SLC41A1: variants seen among roughly 807,000 people sequenced by gnomAD.
SLC41A1 encodes the protein solute carrier family 41 member 1.
In SLC41A1, 20 loss-of-function variants were observed where a neutral mutation model predicts 47.3. That is an observed-to-expected ratio of 0.42 (90% CI 0.30 to 0.61). The LOEUF (loss-of-function observed/expected upper bound fraction) is 0.61, where lower values mean the gene tolerates loss of function less well. Among genes scored for constraint, SLC41A1 ranks in the 20% least tolerant of loss-of-function variants. The pLI is 0.17. For synonymous variants in SLC41A1, 282 were observed against 272.7 expected (o/e 1.03, Z -0.34); for missense variants, 504 against 674.1 (o/e 0.75, Z 2.79).
In SLC41A1 at chr1:205,791,015, G is replaced by A. The variant is rs1248266033; in HGVS notation, c.*518C>T. 1.0e-5 allele frequency: 2 copies of A among 197,452 alleles called. No homozygotes were observed. The highest frequency in any genetic ancestry group is 2.1e-5 in the Non-Finnish European group (2 of 95,628). 12.2% of individuals were successfully genotyped at this position (197,452 alleles called of 1,614,324 possible). On this transcript the variant is annotated 3_prime_UTR_variant, in exon 11 of 11. Coordinates refer to ENST00000367137, the MANE Select transcript of SLC41A1 (RefSeq NM_173854.6). The surrounding 1 kb of genome is among the most constrained non-coding windows in gnomAD (Gnocchi z 4.0). ...GGGATCACAGGGGCCTGGAGCAGGT[G>A]TCTCCTGTCCAGAGCTTTGAAGTTG...
At chr1:205,806,263 T>C (rs1454414956) in intron 2 of SLC41A1, among the ~76,000 whole-genome samples, 1 of 152,092 alleles carries the variant, frequency 6.6e-6, no homozygotes, top group African/African-American at 2.4e-5. Context: ...GATAAGAGTG[T>C]CCCGCCCAGG....
Position 205,798,811 on chromosome 1 carries a change from C to T in SLC41A1, c.702G>A (p.Met234Ile), listed in dbSNP as rs1655805633. 6.2e-7 allele frequency: 1 copy of T among 1,614,134 alleles called. No homozygotes were observed. Reference sequence around the variant, plus strand: ...AGCCAATGATGACTCCAATCATGATCATACCTGGTGAGCAAGTGGGAGGAG... The same window carrying T: ...AGCCAATGATGACTCCAATCATGATTATACCTGGTGAGCAAGTGGGAGGAG... ...TAFIASLVLG[M>I]IMIGVIIGSR... Residue 234 changes from methionine (M) to isoleucine (I), a missense_variant, in exon 6 of 11, where the codon ATG (methionine) becomes ATA (isoleucine). By Grantham distance (10) the Met-to-Ile change is conservative. Transcript: ENST00000367137.
intron 3 of SLC41A1, among the ~76,000 whole-genome samples, chr1:205,800,274 G>T (rs1290478369): frequency 6.6e-6 from 1 of 152,214 alleles, no homozygotes; most frequent in Non-Finnish European, 1.5e-5. Context: ...TGGGCCAGAA[G>T]TCGGGTATGG....
Position 205,797,888 on chromosome 1 carries a change from C to T in SLC41A1, c.992+16G>A. ...TTGGAGTGGGGTAGGAGTGGATACTCAGGGCCCCAGCCTACCTGCTGATGG... is the reference window on the plus strand; with the variant it reads ...TTGGAGTGGGGTAGGAGTGGATACTTAGGGCCCCAGCCTACCTGCTGATGG... On this transcript the variant is annotated intron_variant, in intron 7 of 10. Coordinates refer to ENST00000367137, the MANE Select transcript of SLC41A1 (RefSeq NM_173854.6). 1.2e-6 allele frequency: 2 copies of T among 1,613,870 alleles called. No homozygotes were observed. The highest frequency in any genetic ancestry group is 8.5e-7 in the Non-Finnish European group (1 of 1,180,012).
In SLC41A1 at chr1:205,796,949, C is replaced by A. The variant is rs757958496; in HGVS notation, c.1047G>T (p.Met349Ile). The change falls in exon 8 of 11, where the codon ATG becomes ATT. Residue 349 changes from methionine (M) to isoleucine (I), a missense_variant. Around this residue, in one of 2 missense-constraint regions of SLC41A1, gnomAD observed 421 missense variants for 601.6 expected, o/e 0.70. Coordinates refer to ENST00000367137, the MANE Select transcript of SLC41A1 (RefSeq NM_173854.6). ...KTVSDPNFAG[M>I]AVFTPVINGV... The stretch of plus-strand genomic sequence containing the variant: ...CATTAATCACAGGCGTGAAGACAGC[C>A]ATCCCAGCAAAGTTGGGGTCTGAGA... 1 of 1,613,352 alleles carries A rather than the reference C, an allele frequency of 6.2e-7. No individual in the cohort carries two copies. Among genetic ancestry groups the A allele is most frequent in the African/African-American group, 1.3e-5 (1 of 75,044 alleles).
chr1:205,808,659 G>A lies in SLC41A1; in HGVS notation c.372+1411C>T, dbSNP rs570165491. ...TCCTACTGTCCCAGTCCCGGCCCTA[G>A]GGGGAGGAGCAGCCCCTAGCAGGAG... is the stretch of plus-strand genomic sequence containing the variant. On this transcript the variant is annotated intron_variant, in intron 2 of 10. Coordinates refer to ENST00000367137, the MANE Select transcript of SLC41A1 (RefSeq NM_173854.6). 3.0e-4 allele frequency among the ~76,000 whole-genome samples: 45 copies of A among 152,330 alleles called. 1 individual carries two copies. Among genetic ancestry groups the A allele is most frequent in the Middle Eastern group, 3.4e-3 (1 of 294 alleles).
At position 205,812,884 on chromosome 1, in the gene SLC41A1, C is replaced by T; in HGVS notation, c.-723G>A. The T allele has an allele frequency of 1.0e-6, 1 of 985,530 alleles. No individual in the cohort carries two copies. The highest frequency in any genetic ancestry group is 1.2e-6 in the Non-Finnish European group (1 of 830,046). The allele number at this position is 985,530 out of a possible 1,614,324, so 61.0% of individuals were successfully genotyped here. Reference sequence around the variant, plus strand: ...CGTGGTCTCGGGGGGTGCAGGGCACCCCCTCTTCTCATCACTCCTCCTCGA... The same window carrying T: ...CGTGGTCTCGGGGGGTGCAGGGCACTCCCTCTTCTCATCACTCCTCCTCGA... On this transcript the variant is annotated 5_prime_UTR_variant, in exon 1 of 11. Transcript: ENST00000367137.
At chr1:205,799,544 C>A (rs560902717) in intron 4 of SLC41A1, among the ~76,000 whole-genome samples, 1 of 152,294 alleles carries the variant, frequency 6.6e-6, no homozygotes, top group African/African-American at 2.4e-5. Flanking sequence ...CGTGCACCAC[C>A]AAGAACTGAG....
chr1:205,801,353 G>A (rs1051464215), intron 2 of SLC41A1: 4 of 394,160 alleles, frequency 1.0e-5, no homozygotes, highest in Non-Finnish European at 1.9e-5. Flanking sequence ...GGTGGGGAAG[G>A]GTAATGGGGA....
In SLC41A1 at chr1:205,789,770, T is replaced by C. The variant is rs1655577280; in HGVS notation, c.*1763A>G. 2 of 152,182 alleles carry C rather than the reference T, an allele frequency of 1.3e-5. No homozygotes were observed. 9.4% of individuals were successfully genotyped at this position (152,182 alleles called of 1,614,324 possible). Reference sequence around the variant, plus strand: ...ATGGTCTCTGGAGGTCTAGGGCAGGTTCCTGGGATAAGGTGCAGTGTTGGT... The same window carrying C: ...ATGGTCTCTGGAGGTCTAGGGCAGGCTCCTGGGATAAGGTGCAGTGTTGGT... On this transcript the variant is annotated 3_prime_UTR_variant, in exon 11 of 11. Transcript: ENST00000367137.
In SLC41A1 at chr1:205,795,354, G is replaced by A; in HGVS notation, c.1197C>T (p.Phe399=). ...GGAATCTGCCGTTACCAGGGCTGAA[G>A]AAGGTGGTACAAGGACTGGGACAGC... The part of the protein sequence containing the change: ...PRRCPSPCTT[F]FSPDVNSRSA... The change falls in exon 9 of 11, where the codon TTC becomes TTT. Residue 399 remains phenylalanine (F), a synonymous_variant. Transcript: ENST00000367137. 6.2e-7 allele frequency: 1 copy of A among 1,614,226 alleles called. No individual in the cohort carries two copies. Among genetic ancestry groups the A allele is most frequent in the South Asian group, 1.1e-5 (1 of 91,086 alleles).
Position 205,791,441 on chromosome 1 carries a change from G to A in SLC41A1, c.*92C>T. On this transcript the variant is annotated 3_prime_UTR_variant, in exon 11 of 11. Coordinates refer to ENST00000367137, the MANE Select transcript of SLC41A1 (RefSeq NM_173854.6). This position sits in a 1 kb window ranked among gnomAD's most constrained non-coding sequence, Gnocchi z 4.0. ...TATCAAAGTGAAGTCCTAGAAAGAG[G>A]TGGGAGTGTGGGGTGGAGGAGGGAC... The A allele has an allele frequency of 7.0e-7, 1 of 1,433,928 alleles. No homozygotes were observed. The highest frequency in any genetic ancestry group is 1.8e-5 in the Admixed American group (1 of 55,568). The allele number at this position is 1,433,928 out of a possible 1,614,324, so 88.8% of individuals were successfully genotyped here.
At chr1:205,803,405 G>A (rs1655934948) in intron 2 of SLC41A1, among the ~76,000 whole-genome samples, 1 of 152,170 alleles carries the variant, frequency 6.6e-6, no homozygotes, top group Non-Finnish European at 1.5e-5. Flanking sequence ...TAACCAAGAG[G>A]TGGAAGCAAC....
In SLC41A1 at chr1:205,791,740, G is replaced by A; in HGVS notation, c.1357-22C>T. On this transcript the variant is annotated intron_variant, in intron 10 of 10. Coordinates refer to ENST00000367137, the MANE Select transcript of SLC41A1 (RefSeq NM_173854.6). The surrounding 1 kb of genome is among the most constrained non-coding windows in gnomAD (Gnocchi z 4.0). ...GCACCTGGGGAGACAAAAGGGCCCA[G>A]CCTATAGCCATCCTCTCTCTCCAGG... 1 of 1,611,824 alleles carries A rather than the reference G, an allele frequency of 6.2e-7. No homozygotes were observed. The highest frequency in any genetic ancestry group is 1.7e-5 in the Admixed American group (1 of 59,928).
In SLC41A1 at chr1:205,795,733, T is replaced by C. The variant is rs373310614; in HGVS notation, c.1073-255A>G. On this transcript the variant is annotated intron_variant, in intron 8 of 10. Transcript: ENST00000367137. ...CCTCTATGGAGATGCAGCAGTTCCA[T>C]GTTCCCCTGGCAAAGCTGTGACAGT... The C allele has an allele frequency of 4.4e-5, 25 of 571,650 alleles. No individual in the cohort carries two copies. The East Asian group carries it at 6.9e-4, about 16-fold the overall frequency. 35.4% of individuals were successfully genotyped at this position (571,650 alleles called of 1,614,324 possible).
rs762308501 is a variant in SLC41A1, at chr1:205,790,266, G to A, written c.*1267C>T. 6.6e-6 allele frequency: 1 copy of A among 152,230 alleles called. No individual in the cohort carries two copies. Among genetic ancestry groups the A allele is most frequent in the African/African-American group, 2.4e-5 (1 of 41,450 alleles). The allele number at this position is 152,230 out of a possible 1,614,324, so 9.4% of individuals were successfully genotyped here. A position where few individuals can be genotyped will look rare whatever the true frequency, so the allele number is the denominator to read the frequency against. On this transcript the variant is annotated 3_prime_UTR_variant, in exon 11 of 11. Transcript: ENST00000367137. Reference sequence around the variant, plus strand: ...GGGCACATGGCCTTTGTAACCTGGAGAATGAGGTGAGGTTAGAGCTGTGTT... The same window carrying A: ...GGGCACATGGCCTTTGTAACCTGGAAAATGAGGTGAGGTTAGAGCTGTGTT...
chr1:205,808,395 G>T (rs1656065786), intron 2 of SLC41A1, among the ~76,000 whole-genome samples: 1 of 152,190 alleles, frequency 6.6e-6, no homozygotes, highest in African/African-American at 2.4e-5. Flanking sequence ...CCTACAAAAT[G>T]GAGATGATTA....
chr1:205,799,248 A>T, intron 4 of SLC41A1, 147 bp from the exon 5 acceptor site: 1 of 1,095,718 alleles, frequency 9.1e-7, no homozygotes, highest in Non-Finnish European at 1.3e-6. Flanking sequence ...CCAGGCTGGA[A>T]GGATGTCTTT....
At chr1:205,805,549 G>T (rs1050949909) in intron 2 of SLC41A1, among the ~76,000 whole-genome samples, 1 of 152,174 alleles carries the variant, frequency 6.6e-6, no homozygotes, top group Non-Finnish European at 1.5e-5. Flanking sequence ...CTGCTCTGAT[G>T]GGGATGAAAA....
Sources: allele counts gnomAD v4.1 joint callset (sites outside exome capture counted in the v4.1 genomes callset), GRCh38; gene constraint gnomAD v4.1.1; regional missense constraint gnomAD v4.1.1; non-coding constraint Gnocchi (gnomAD v3.1); transcripts MANE v1.5; gene names NCBI Gene and HGNC (gene_info 2026-07-23, HGNC 2026-07-21).